AFG2A: variants seen among roughly 807,000 people sequenced by gnomAD.
AFG2A encodes the protein AAA ATPase AFG2A.
At chr4:123,032,462 G>T in the AFG2A span, among the ~76,000 whole-genome samples, 1 of 152,004 alleles carries the variant, frequency 6.6e-6, no homozygotes, top group African/African-American at 2.4e-5. Context: ...GCGCGATCTC[G>T]GCTCACTGCA....
At chr4:123,073,845 T>C in the AFG2A span, among the ~76,000 whole-genome samples, 1 of 152,184 alleles carries the variant, frequency 6.6e-6, no homozygotes, top group East Asian at 1.9e-4. Flanking sequence ...ACATTTACAG[T>C]TTCTGTTTCT....
the AFG2A span, among the ~76,000 whole-genome samples, chr4:123,151,086 G>T: frequency 6.6e-6 from 1 of 152,110 alleles, no homozygotes; most frequent in Non-Finnish European, 1.5e-5. Flanking sequence ...AATGAAACTG[G>T]ACTCCTTCCT....
chr4:122,926,356 G>A, the AFG2A span, among the ~76,000 whole-genome samples: 4 of 152,210 alleles, frequency 2.6e-5, no homozygotes, highest in African/African-American at 4.8e-5. Context: ...ATGCTTTACT[G>A]TTAATGACCA....
chr4:123,237,734 C>G, the AFG2A span, among the ~76,000 whole-genome samples: 1 of 147,928 alleles, frequency 6.8e-6, no homozygotes, highest in African/African-American at 2.5e-5. Context: ...AGGAACAGCT[C>G]TGGTCTGCAG....
the AFG2A span, among the ~76,000 whole-genome samples, chr4:123,003,798 C>A: frequency 6.6e-6 from 1 of 152,152 alleles, no homozygotes; most frequent in Non-Finnish European, 1.5e-5. Flanking sequence ...GTTCTCAGAT[C>A]TCCAGCTGCG....
At chr4:123,068,429 G>C in the AFG2A span, among the ~76,000 whole-genome samples, 1 of 152,094 alleles carries the variant, frequency 6.6e-6, no homozygotes, top group Non-Finnish European at 1.5e-5. Flanking sequence ...CTACAACAAA[G>C]AGCAAATTGG....
chr4:123,117,429 G>A, the AFG2A span, among the ~76,000 whole-genome samples: 4 of 149,206 alleles, frequency 2.7e-5, no homozygotes, highest in African/African-American at 9.9e-5. Context: ...GAGGTTTTTG[G>A]AACCTGGCAT....
chr4:123,087,208 G>A, the AFG2A span, among the ~76,000 whole-genome samples: 1 of 152,160 alleles, frequency 6.6e-6, no homozygotes, highest in Admixed American at 6.5e-5. Flanking sequence ...AGGTGTTGGG[G>A]GGAGTATGGG....
chr4:123,312,042 C>T, the AFG2A span, among the ~76,000 whole-genome samples: 3 of 152,224 alleles, frequency 2.0e-5, no homozygotes, highest in Admixed American at 6.5e-5. Flanking sequence ...AACCCCCGCC[C>T]TGGCCACCAT....
At chr4:123,193,243 G>A in the AFG2A span, among the ~76,000 whole-genome samples, 41 of 152,142 alleles carry the variant, frequency 2.7e-4, no homozygotes, top group Non-Finnish European at 2.2e-4. Flanking sequence ...GTTTATGCAC[G>A]TACACATTAG....
chr4:123,286,928 A>C, the AFG2A span, among the ~76,000 whole-genome samples: 1 of 152,036 alleles, frequency 6.6e-6, no homozygotes, highest in Non-Finnish European at 1.5e-5. Flanking sequence ...AAGTCACTAA[A>C]ATTACTCCCC....
At chr4:123,208,958 A>G in the AFG2A span, among the ~76,000 whole-genome samples, 2 of 152,222 alleles carry the variant, frequency 1.3e-5, no homozygotes, top group African/African-American at 4.8e-5. Context: ...ACAAGGCATG[A>G]TTATAGGACT....
chr4:122,975,827 G>A, the AFG2A span, among the ~76,000 whole-genome samples: 4 of 152,104 alleles, frequency 2.6e-5, no homozygotes, highest in African/African-American at 9.7e-5. Flanking sequence ...GAGATGTGAA[G>A]AACCATCTTT....
chr4:122,997,098 A>C, the AFG2A span, among the ~76,000 whole-genome samples: 8 of 152,174 alleles, frequency 5.3e-5, no homozygotes, highest in African/African-American at 1.9e-4. Context: ...CCCTTTATTC[A>C]GTCAAGTTGA....
At chr4:123,130,307 A>C in the AFG2A span, among the ~76,000 whole-genome samples, 2 of 152,220 alleles carry the variant, frequency 1.3e-5, no homozygotes, top group East Asian at 3.8e-4. Context: ...GTGAGACACG[A>C]TGCCAGGTTC....
chr4:123,141,891 A>G, the AFG2A span, among the ~76,000 whole-genome samples: 1 of 152,130 alleles, frequency 6.6e-6, no homozygotes, highest in Admixed American at 6.5e-5. Context: ...ACTTTTTTGT[A>G]GCAAACGTGA....
chr4:123,047,437 T>C, the AFG2A span, among the ~76,000 whole-genome samples: 3,233 of 152,306 alleles, frequency 0.021, 105 homozygotes, highest in African/African-American at 0.072. Context: ...CTGAGTTGTT[T>C]GAATTCCTTT....
At chr4:123,213,635 C>T in the AFG2A span, among the ~76,000 whole-genome samples, 6 of 152,088 alleles carry the variant, frequency 3.9e-5, no homozygotes, top group African/African-American at 7.2e-5. Flanking sequence ...TGGGAAAAAA[C>T]ATTTTGTACT....
chr4:123,091,512 C>T, the AFG2A span, among the ~76,000 whole-genome samples: 21 of 152,216 alleles, frequency 1.4e-4, no homozygotes, highest in East Asian at 3.1e-3. Flanking sequence ...TTCATCTATA[C>T]GAAGGTACAT....
Sources: allele counts gnomAD v4.1 joint callset (sites outside exome capture counted in the v4.1 genomes callset), GRCh38; gene constraint gnomAD v4.1.1; transcripts MANE v1.5; gene names NCBI Gene and HGNC (gene_info 2026-07-23, HGNC 2026-07-21).